Variants in AP1S2 observed in about 807,000 individuals in gnomAD.
AP1S2 encodes AP-1 complex subunit sigma-2.
A neutral mutation model predicts 14.3 loss-of-function variants in AP1S2; 1 was observed. The observed-to-expected ratio is 0.07, with a 90% CI of 0.02 to 0.33. The LOEUF is 0.33. Ranked by LOEUF, AP1S2 falls within the 10% of genes least tolerant of loss-of-function variation. AP1S2 has a pLI of 0.99. For synonymous variants in AP1S2, 30 were observed against 40.5 expected, an observed-to-expected ratio of 0.74 and a Z score of 0.99; for missense variants, 30 against 117.7, an observed-to-expected ratio of 0.25 and a Z score of 3.45.
intron 2 of AP1S2, among the ~76,000 whole-genome samples, chrX:15,849,705 A>G (rs1358633524): frequency 8.9e-6 from 1 of 111,857 alleles, no homozygotes; most frequent in East Asian, 2.8e-4. Context: ...CTTTCTTCCC[A>G]TAACAGCCCA....
At chrX:15,836,446 A>G (rs763821712) in intron 4 of AP1S2, among the ~76,000 whole-genome samples, 1 of 112,584 alleles carries the variant, frequency 8.9e-6, no homozygotes, top group African/African-American at 3.2e-5. Flanking sequence ...ATCTATTTCT[A>G]TTACACTTGT....
chrX:15,828,236 AATTAT>A, intron 4 of AP1S2, 36 bp from the exon 5 acceptor site: 1 of 1,065,768 alleles, frequency 9.4e-7, no homozygotes, highest in South Asian at 2.4e-5. Flanking sequence ...GGAGAAGAGA[AATTAT>A]ATTAAACCAT....
intron 4 of AP1S2, among the ~76,000 whole-genome samples, chrX:15,835,371 C>T (rs1319885327): frequency 1.8e-5 from 2 of 111,726 alleles, no homozygotes; most frequent in Admixed American, 9.5e-5. Context: ...TAATCAAATT[C>T]TATGGCAAAG....
chrX:15,830,054 C>T (rs1478898550), intron 4 of AP1S2: 5 of 733,312 alleles, frequency 6.8e-6, no homozygotes, highest in African/African-American at 2.3e-5. Flanking sequence ...TCACATGAGA[C>T]GAAGTACATG....
At position 15,850,580 on chromosome X, in the gene AP1S2, T is replaced by C. The variant is rs1934147582; in HGVS notation, c.179+1766A>G. Among the ~76,000 whole-genome samples, 3 of 108,459 alleles carry C rather than the reference T, an allele frequency of 2.8e-5. No homozygotes were observed. The Admixed American group carries it at 3.0e-4, about 11-fold the overall frequency. The allele number at this position is 108,459 out of a possible 115,157, so 94.2% of individuals were successfully genotyped here. On this transcript the variant is annotated intron_variant, in intron 2 of 5. Coordinates refer to ENST00000672987, the MANE Select transcript of AP1S2 (RefSeq NM_001272071.2). ...TCTCACTAAGTTGCCAGGGCTGGAC[T>C]TGAACTCCTGGGCTCAAGCGATTCT...
intron 4 of AP1S2, among the ~76,000 whole-genome samples, chrX:15,829,643 G>C (rs1933365920): frequency 8.9e-6 from 1 of 112,181 alleles, no homozygotes; most frequent in South Asian, 3.6e-4. Flanking sequence ...CACAGGTAGA[G>C]TTTTAAAATA....
chrX:15,835,949 A>T (rs937694824), intron 4 of AP1S2, among the ~76,000 whole-genome samples: 2 of 110,328 alleles, frequency 1.8e-5, no homozygotes, highest in Non-Finnish European at 3.8e-5. Flanking sequence ...ACAAAAAATA[A>T]AATAATAATA....
At chrX:15,834,994 T>C (rs1274833928) in intron 4 of AP1S2, among the ~76,000 whole-genome samples, 4 of 110,890 alleles carry the variant, frequency 3.6e-5, no homozygotes, top group Non-Finnish European at 5.7e-5. Context: ...TGAAATTTCC[T>C]AGATATTCAC....
At position 15,826,271 on chromosome X, in the gene AP1S2, A is replaced by G. The variant is rs1933256911; in HGVS notation, c.*1054T>C. The G allele has an allele frequency of 8.9e-6, 1 of 112,588 alleles. No individual in the cohort carries two copies. Among genetic ancestry groups the G allele is most frequent in the Non-Finnish European group, 1.9e-5 (1 of 53,320 alleles). 9.3% of individuals were successfully genotyped at this position (112,588 alleles called of 1,213,427 possible). A position where few individuals can be genotyped will look rare whatever the true frequency, so the allele number is the denominator to read the frequency against. ...ACAATTACATAGCTTTAAAAAATAT[A>G]GAGCCATCTAATGCCATTTTACCTC... On this transcript the variant is annotated 3_prime_UTR_variant, in exon 6 of 6. Transcript: ENST00000672987.
intron 4 of AP1S2, among the ~76,000 whole-genome samples, chrX:15,829,867 C>T (rs1156615519): frequency 1.8e-5 from 2 of 111,405 alleles, no homozygotes; most frequent in African/African-American, 6.5e-5. Context: ...AAAAGTCCTG[C>T]AGATCTGCTG....
chrX:15,845,134 T>C, intron 4 of AP1S2: 1 of 754,282 alleles, frequency 1.3e-6, no homozygotes, highest in South Asian at 6.7e-5. Context: ...TCCAGTGTTT[T>C]AGGGTCCAAA....
At position 15,852,754 on chromosome X, in the gene AP1S2, T is replaced by G. The variant is rs776984122; in HGVS notation, c.1-230A>C. The G allele has an allele frequency of 1.6e-5, 7 of 432,158 alleles. No individual in the cohort carries two copies. The South Asian group carries it at 8.4e-4, about 52-fold the overall frequency. 35.6% of individuals were successfully genotyped at this position (432,158 alleles called of 1,213,427 possible). A position where few individuals can be genotyped will look rare whatever the true frequency, so the allele number is the denominator to read the frequency against. On this transcript the variant is annotated intron_variant, in intron 1 of 5. Transcript: ENST00000672987. ...GTTCCACATTAAGTTTGAAGGGGAG[T>G]GTGCAGGAGAAAAAAGAAAAATGGG...
At chrX:15,834,480 A>ATATATATATATATATT (rs1483118039) in intron 4 of AP1S2, among the ~76,000 whole-genome samples, 1 of 20,376 alleles carries the variant, frequency 4.9e-5, no homozygotes, top group African/African-American at 2.8e-4. Flanking sequence ...ATATATATAT[A>ATATATATATATATATT]ATTTTTTTTT....
intron 1 of AP1S2, among the ~76,000 whole-genome samples, chrX:15,854,023 C>T (rs1387715737): frequency 8.9e-6 from 1 of 111,842 alleles, no homozygotes; most frequent in Non-Finnish European, 1.9e-5. Flanking sequence ...GGTCCTGTAT[C>T]CGCCCTACCA....
intron 4 of AP1S2, among the ~76,000 whole-genome samples, chrX:15,839,067 G>A (rs1212055908): frequency 1.8e-5 from 2 of 111,931 alleles, no homozygotes; most frequent in African/African-American, 6.5e-5. Context: ...CTTATTAAAT[G>A]TAAAATGAAA....
chrX:15,828,351 A>T (rs1250875473), intron 4 of AP1S2, among the ~76,000 whole-genome samples, 151 bp from the exon 5 acceptor site: 1 of 111,848 alleles, frequency 8.9e-6, no homozygotes, highest in Non-Finnish European at 1.9e-5. Context: ...GAAAACATGG[A>T]TAATAGTACT....
chrX:15,832,918 A>G, intron 4 of AP1S2: 1 of 1,062,906 alleles, frequency 9.4e-7, no homozygotes, highest in African/African-American at 1.9e-5. Flanking sequence ...ATCCTACTAC[A>G]TTTTGATGCA....
At chrX:15,842,335 T>C (rs1933860880) in intron 4 of AP1S2, among the ~76,000 whole-genome samples, 2 of 112,109 alleles carry the variant, frequency 1.8e-5, no homozygotes, top group African/African-American at 6.5e-5. Flanking sequence ...AGTATGTTGA[T>C]GAAGAGAACA....
At chrX:15,827,896 A>G (rs1474066855) in intron 5 of AP1S2, among the ~76,000 whole-genome samples, 1 of 111,475 alleles carries the variant, frequency 9.0e-6, no homozygotes, top group East Asian at 2.8e-4. Context: ...AGTGCAACCA[A>G]TGGCATCACT....
Sources: allele counts gnomAD v4.1 joint callset (sites outside exome capture counted in the v4.1 genomes callset), GRCh38; gene constraint gnomAD v4.1.1; transcripts MANE v1.5; gene names NCBI Gene and HGNC (gene_info 2026-07-23, HGNC 2026-07-21).